GNRHR: variants seen among roughly 807,000 people sequenced by gnomAD.
The protein encoded by GNRHR is gonadotropin-releasing hormone receptor.
Under a neutral mutation model 28.1 loss-of-function variants are expected in GNRHR, and 14 were observed. The ratio of observed to expected loss-of-function variants is 0.50; its 90% CI spans 0.33 to 0.78. The LOEUF is 0.78. Ranked by LOEUF, GNRHR falls within the 30% of genes least tolerant of loss-of-function variation. GNRHR has a pLI of 0.02. For missense variants in GNRHR, 366 were observed against 382.1 expected (o/e 0.96, Z 0.35); for synonymous variants, 141 against 140.5 (o/e 1.00, Z -0.02).
chr4:67,750,487 C>A (rs934164899), intron 1 of GNRHR, among the ~76,000 whole-genome samples: 1 of 152,146 alleles, frequency 6.6e-6, no homozygotes, highest in African/African-American at 2.4e-5. Context: ...AAAAAGAATT[C>A]TATTACTAGC....
At chr4:67,747,727 G>A (rs956370890) in intron 1 of GNRHR, among the ~76,000 whole-genome samples, 1 of 152,014 alleles carries the variant, frequency 6.6e-6, no homozygotes, top group Non-Finnish European at 1.5e-5. Context: ...TATTTTTTAA[G>A]CAACTCTTTG....
chr4:67,747,266 C>T, intron 1 of GNRHR: 1 of 152,918 alleles, frequency 6.5e-6, no homozygotes. Context: ...AATGATGTCA[C>T]TGACTGGCTG....
intron 1 of GNRHR, among the ~76,000 whole-genome samples, chr4:67,752,925 T>C (rs1424139739): frequency 6.6e-6 from 1 of 152,204 alleles, no homozygotes; most frequent in Non-Finnish European, 1.5e-5. Flanking sequence ...GACACATCCT[T>C]GTATCCTGGG....
intron 1 of GNRHR, among the ~76,000 whole-genome samples, chr4:67,753,434 CA>C (rs1183938018): frequency 6.6e-6 from 1 of 152,058 alleles, no homozygotes; most frequent in Non-Finnish European, 1.5e-5. Flanking sequence ...AAAGCCATGT[CA>C]ACCAAAACAA....
At chr4:67,743,989 C>T (rs1398043118) in intron 2 of GNRHR, among the ~76,000 whole-genome samples, 1 of 152,158 alleles carries the variant, frequency 6.6e-6, no homozygotes, top group Admixed American at 6.6e-5. Flanking sequence ...GCCAACATAA[C>T]AATGTTTATT....
Position 67,738,828 on chromosome 4 carries a change from A to G in GNRHR, c.*1652T>C, listed in dbSNP as rs1577864716. ...TTAATTAAAGGTATGAGTTTAATGG[A>G]AAAGAAGCTATGAATGAAAGAGTGA... On this transcript the variant is annotated 3_prime_UTR_variant, in exon 3 of 3. Transcript: ENST00000226413. 6.6e-6 allele frequency among the ~76,000 whole-genome samples: 1 copy of G among 152,136 alleles called. No homozygotes were observed. Among genetic ancestry groups the G allele is most frequent in the East Asian group, 1.9e-4 (1 of 5,192 alleles).
At chr4:67,745,983 TG>T (rs1271801796) in intron 1 of GNRHR, among the ~76,000 whole-genome samples, 2 of 152,112 alleles carry the variant, frequency 1.3e-5, no homozygotes, top group African/African-American at 2.4e-5. Context: ...GGTATGCAAC[TG>T]AATCCACCAC....
In GNRHR at chr4:67,754,010, G is replaced by T; in HGVS notation, c.326C>A (p.Ala109Asp). The T allele has an allele frequency of 1.2e-6, 2 of 1,613,470 alleles. No homozygotes were observed. Among genetic ancestry groups the T allele is most frequent in the East Asian group, 4.5e-5 (2 of 44,876 alleles). Reference sequence around the variant, plus strand: ...GAGAACTTTGCAGAGTAACTCTCCAGCATACCATTGGACTGTAATGTTCCA... The same window carrying T: ...GAGAACTTTGCAGAGTAACTCTCCATCATACCATTGGACTGTAATGTTCCA... The part of the protein sequence containing the change: ...GMWNITVQWY[A>D]GELLCKVLSY... Residue 109 changes from alanine to aspartate, a missense_variant, in exon 1 of 3, where the codon GCT becomes GAT. Physicochemically the swap from Ala to Asp is moderately radical, Grantham distance 126. Transcript: ENST00000226413.
rs13150734 is a variant in GNRHR at position 67,739,220 on chromosome 4, C to T, written c.*1260G>A. On this transcript the variant is annotated 3_prime_UTR_variant, in exon 3 of 3. Transcript: ENST00000226413. ...AAGAGGTAGACACAAGCCTGAATTA[C>T]ATAAAGAGGTCTTGTTGTGCAGACA... 6.6e-6 allele frequency: 1 copy of T among 151,724 alleles called. No individual in the cohort carries two copies. Among genetic ancestry groups the T allele is most frequent in the Non-Finnish European group, 1.5e-5 (1 of 67,796 alleles). 9.4% of individuals were successfully genotyped at this position (151,724 alleles called of 1,614,324 possible). A position where few individuals can be genotyped will look rare whatever the true frequency, so the allele number is the denominator to read the frequency against.
At chr4:67,752,142 A>T (rs936593578) in intron 1 of GNRHR, among the ~76,000 whole-genome samples, 12 of 152,116 alleles carry the variant, frequency 7.9e-5, no homozygotes, top group South Asian at 4.2e-4. Flanking sequence ...GATGATTTTT[A>T]AAAAAGTCTT....
At chr4:67,744,368 A>G (rs1731716468) in intron 2 of GNRHR, among the ~76,000 whole-genome samples, 200 bp downstream of exon 2, 1 of 152,238 alleles carries the variant, frequency 6.6e-6, no homozygotes, top group South Asian at 2.1e-4. Context: ...AGCAGAAGAT[A>G]TTAAGTAACC....
At chr4:67,741,488 C>A (rs1192773033) in intron 2 of GNRHR, among the ~76,000 whole-genome samples, 4 of 152,104 alleles carry the variant, frequency 2.6e-5, no homozygotes, top group African/African-American at 9.7e-5. Context: ...TTTGCAATTG[C>A]AAACTGTGCT....
chr4:67,742,973 C>A (rs1279227269), intron 2 of GNRHR, among the ~76,000 whole-genome samples: 1 of 147,874 alleles, frequency 6.8e-6, no homozygotes, highest in Non-Finnish European at 1.5e-5. Context: ...TTTTTTTTTT[C>A]CTGAGTTTCG....
At position 67,738,784 on chromosome 4, in the gene GNRHR, G is replaced by C. The variant is rs886266241; in HGVS notation, c.*1696C>G. Among the ~76,000 whole-genome samples the C allele has an allele frequency of 6.6e-6, 1 of 151,904 alleles. No individual in the cohort carries two copies. Among genetic ancestry groups the C allele is most frequent in the Non-Finnish European group, 1.5e-5 (1 of 67,878 alleles). On this transcript the variant is annotated 3_prime_UTR_variant, in exon 3 of 3. Coordinates refer to ENST00000226413, the MANE Select transcript of GNRHR (RefSeq NM_000406.3). ...TTTAGCCTTGTCCAATTCAACTGTA[G>C]AACTGGGCCATGAATTGGTTAATTA...
At chr4:67,751,946 C>T (rs59833544) in intron 1 of GNRHR, among the ~76,000 whole-genome samples, 160 of 152,262 alleles carry the variant, frequency 1.1e-3, no homozygotes, top group African/African-American at 3.7e-3. Flanking sequence ...CCCTTCCCAC[C>T]GGATCATTTC....
At chr4:67,747,939 T>C (rs1315463122) in intron 1 of GNRHR, among the ~76,000 whole-genome samples, 1 of 151,956 alleles carries the variant, frequency 6.6e-6, no homozygotes, top group Non-Finnish European at 1.5e-5. Flanking sequence ...AACTTGCTAT[T>C]GTCTTAGTTC....
At chr4:67,744,889 T>C in intron 1 of GNRHR, 102 bp from the exon 2 acceptor site, 1 of 696,578 alleles carries the variant, frequency 1.4e-6, no homozygotes, top group South Asian at 1.6e-5. Flanking sequence ...CCTAAAGCAA[T>C]TTCTAAGCTC....
At position 67,737,942 on chromosome 4, in the gene GNRHR, G is replaced by A. The variant is rs1731579990; in HGVS notation, c.*2538C>T. 6.6e-6 allele frequency among the ~76,000 whole-genome samples: 1 copy of A among 151,490 alleles called. No homozygotes were observed. The highest frequency in any genetic ancestry group is 2.4e-5 in the African/African-American group (1 of 41,298). On this transcript the variant is annotated 3_prime_UTR_variant, in exon 3 of 3. Coordinates refer to ENST00000226413, the MANE Select transcript of GNRHR (RefSeq NM_000406.3). ...TCAAATATGAAATATTGTCTGTTGA[G>A]TGGAATATCTTTAATTTCAAAGCCA...
At chr4:67,752,165 C>T (rs574916128) in intron 1 of GNRHR, among the ~76,000 whole-genome samples, 2 of 152,120 alleles carry the variant, frequency 1.3e-5, no homozygotes, top group East Asian at 1.9e-4. Context: ...TTTTATTCCA[C>T]TCCATTTGGG....
Sources: gnomAD v4.1 joint callset for allele counts (sites outside exome capture counted in the v4.1 genomes callset) on GRCh38, gnomAD v4.1.1 for gene constraint, MANE v1.5 for transcripts, NCBI Gene and HGNC (gene_info 2026-07-23, HGNC 2026-07-21) for gene names.